Variants in MBNL2 observed in about 807,000 individuals in gnomAD.
The protein encoded by MBNL2 is muscleblind like splicing regulator 2, also known as muscleblind-like protein 2.
MBNL2 carries 17 observed loss-of-function variants against 41.9 expected under a neutral mutation model. The ratio of observed to expected loss-of-function variants is 0.41; its 90% CI spans 0.28 to 0.61. The LOEUF (loss-of-function observed/expected upper bound fraction) is 0.61, where lower values mean the gene tolerates loss of function less well. MBNL2 is among the 20% of genes least tolerant of loss of function. The pLI is 0.35. For missense variants in MBNL2, 336 were observed against 505.6 expected (o/e 0.66, Z 3.22); for synonymous variants, 195 against 182.9 (o/e 1.07, Z -0.53).
chr13:97,162,098 G>T, the MBNL2 span, among the ~76,000 whole-genome samples: 35 of 152,262 alleles, frequency 2.3e-4, no homozygotes, highest in Admixed American at 1.8e-3. Flanking sequence ...GAGAGAGAAG[G>T]TGGGGAGGTG....
At chr13:97,374,062 C>CTTTTTTTTTTT (rs1594284568) in intron 8 of MBNL2, among the ~76,000 whole-genome samples, 3 of 53,382 alleles carry the variant, frequency 5.6e-5, no homozygotes, top group Non-Finnish European at 8.1e-5. Context: ...TCCTCCTTTG[C>CTTTTTTTTTTT]ATTTTTTTTT....
the MBNL2 span, among the ~76,000 whole-genome samples, chr13:97,171,007 A>C: frequency 2.6e-5 from 4 of 152,170 alleles, no homozygotes; most frequent in Non-Finnish European, 5.9e-5. Flanking sequence ...TCACTGACAT[A>C]ATTTTTGCAA....
At chr13:97,321,451 G>T (rs1398873885) in intron 2 of MBNL2, among the ~76,000 whole-genome samples, 1 of 152,176 alleles carries the variant, frequency 6.6e-6, no homozygotes, top group Non-Finnish European at 1.5e-5. Flanking sequence ...CCTCCATCGA[G>T]TGCATTATCA....
the MBNL2 span, among the ~76,000 whole-genome samples, chr13:97,167,641 C>G: frequency 1.3e-5 from 2 of 152,076 alleles, no homozygotes; most frequent in Non-Finnish European, 2.9e-5. Context: ...TAGCTAATTA[C>G]CAATCTAATT....
Position 97,366,343 on chromosome 13 carries a change from G to A in MBNL2, c.1048+1172G>A. The A allele has an allele frequency of 1.7e-6, 1 of 596,626 alleles. No individual in the cohort carries two copies. Among genetic ancestry groups the A allele is most frequent in the Non-Finnish European group, 3.1e-6 (1 of 327,722 alleles). The allele number at this position is 596,626 out of a possible 1,614,324, so 37.0% of individuals were successfully genotyped here. A position where few individuals can be genotyped will look rare whatever the true frequency, so the allele number is the denominator to read the frequency against. On this transcript the variant is annotated intron_variant, in intron 8 of 8. Transcript: ENST00000679496. The surrounding 1 kb of genome is among the most constrained non-coding windows in gnomAD (Gnocchi z 4.7). The stretch of plus-strand genomic sequence containing the variant: ...TTTGCATTGTGATTGCATGCCATCT[G>A]CTGGTTTAACCCATGATGGCTTGCT...
chr13:97,224,372 CCA>C (rs2041270531), intron 1 of MBNL2, among the ~76,000 whole-genome samples: 3 of 152,158 alleles, frequency 2.0e-5, no homozygotes, highest in Admixed American at 6.5e-5. Context: ...GGCTGCAAAT[CCA>C]TGTCACAGGT....
chr13:97,340,351 T>G (rs2061350692), intron 3 of MBNL2, among the ~76,000 whole-genome samples: 1 of 119,350 alleles, frequency 8.4e-6, no homozygotes. Flanking sequence ...ACAGAAAATA[T>G]TTTTTTCAGT....
chr13:97,308,715 C>T (rs2058331050), intron 2 of MBNL2, among the ~76,000 whole-genome samples: 3 of 152,138 alleles, frequency 2.0e-5, no homozygotes. Context: ...CAGAATATTT[C>T]TTTTTCCTCT....
intron 1 of MBNL2, among the ~76,000 whole-genome samples, chr13:97,241,250 G>T (rs1213027925): frequency 1.3e-5 from 2 of 152,090 alleles, no homozygotes; most frequent in Non-Finnish European, 2.9e-5. Flanking sequence ...GAACCCATTA[G>T]CAGCAGAGAT....
chr13:97,292,232 C>T (rs2152979508), intron 2 of MBNL2, among the ~76,000 whole-genome samples: 1 of 150,344 alleles, frequency 6.7e-6, no homozygotes, highest in East Asian at 2.0e-4. Flanking sequence ...AGTGATTGCT[C>T]GAAGAGGGAA....
intron 8 of MBNL2, among the ~76,000 whole-genome samples, chr13:97,374,063 A>ATTTTTTT (rs61185219): frequency 0.015 from 966 of 63,070 alleles, 120 homozygotes; most frequent in African/African-American, 0.048. Context: ...CCTCCTTTGC[A>ATTTTTTT]TTTTTTTTTT....
At chr13:97,292,667 C>G (rs1413333899) in intron 2 of MBNL2, among the ~76,000 whole-genome samples, 1 of 151,616 alleles carries the variant, frequency 6.6e-6, no homozygotes. Flanking sequence ...AAAGTGTTGT[C>G]GATATCCAAA....
At chr13:97,350,813 G>A (rs1331199757) in intron 5 of MBNL2, among the ~76,000 whole-genome samples, 1 of 152,084 alleles carries the variant, frequency 6.6e-6, no homozygotes, top group East Asian at 1.9e-4. Context: ...TTCCATTTAA[G>A]TCTTGAACCC....
chr13:97,263,500 T>A (rs1217824823), intron 1 of MBNL2, among the ~76,000 whole-genome samples: 1 of 152,172 alleles, frequency 6.6e-6, no homozygotes, highest in African/African-American at 2.4e-5. Context: ...TAAAGGACCA[T>A]TTTTAAAAAA....
chr13:97,159,582 G>A, the MBNL2 span, among the ~76,000 whole-genome samples: 2 of 151,514 alleles, frequency 1.3e-5, no homozygotes, highest in Non-Finnish European at 2.9e-5. Context: ...GCTCTTTTAG[G>A]GCAGGCCTGG....
chr13:97,225,032 A>C (rs2041391325), intron 1 of MBNL2, among the ~76,000 whole-genome samples: 1 of 152,258 alleles, frequency 6.6e-6, no homozygotes, highest in South Asian at 2.1e-4. Flanking sequence ...GGGAAGGAGA[A>C]AAATATGCTT....
chr13:97,158,318 C>G, the MBNL2 span, among the ~76,000 whole-genome samples: 1 of 150,736 alleles, frequency 6.6e-6, no homozygotes, highest in Non-Finnish European at 1.5e-5. Context: ...AGCGGTCTAT[C>G]AATTTTGTTG....
intron 8 of MBNL2, among the ~76,000 whole-genome samples, chr13:97,374,063 A>ATCTTTTTTTTTT (rs2064688603): frequency 4.8e-5 from 3 of 63,128 alleles, no homozygotes; most frequent in Non-Finnish European, 6.2e-5. Flanking sequence ...CCTCCTTTGC[A>ATCTTTTTTTTTT]TTTTTTTTTT....
chr13:97,233,417 C>T lies in MBNL2; in HGVS notation c.-605+10886C>T, dbSNP rs74107587. Among the ~76,000 whole-genome samples, 1,360 of 144,478 alleles carry T rather than the reference C, an allele frequency of 9.4e-3. 31 individuals are homozygous for T. The highest frequency in any genetic ancestry group is 0.032 in the African/African-American group (1,263 of 38,906). 94.8% of individuals were successfully genotyped at this position (144,478 alleles called of 152,430 possible). A position where few individuals can be genotyped will look rare whatever the true frequency, so the allele number is the denominator to read the frequency against. ...TTTTCTAGTGCTCTGCCTGCTCCTGCGCTAGCCCATGGTCTCTTTTCTAAT... is the reference window on the plus strand; with the variant it reads ...TTTTCTAGTGCTCTGCCTGCTCCTGTGCTAGCCCATGGTCTCTTTTCTAAT... On this transcript the variant is annotated intron_variant, in intron 1 of 8. Coordinates refer to ENST00000679496, the MANE Select transcript of MBNL2 (RefSeq NM_001382683.1).
Sources: allele counts gnomAD v4.1 joint callset (sites outside exome capture counted in the v4.1 genomes callset), GRCh38; gene constraint gnomAD v4.1.1; non-coding constraint Gnocchi (gnomAD v3.1); transcripts MANE v1.5; gene names NCBI Gene and HGNC (gene_info 2026-07-23, HGNC 2026-07-21).